Variants in ZHX2 observed in about 807,000 individuals in gnomAD.
ZHX2 encodes the protein zinc fingers and homeoboxes 2.
ZHX2 carries 6 observed loss-of-function variants against 21.9 expected under a neutral mutation model. The ratio of observed to expected loss-of-function variants is 0.27; its 90% CI spans 0.15 to 0.54. The LOEUF (loss-of-function observed/expected upper bound fraction) is 0.54. Among genes scored for constraint, ZHX2 ranks in the 20% least tolerant of loss-of-function variants. The probability of loss-of-function intolerance (pLI) is 0.95; values close to 1 mark genes in which losing one functional copy is unlikely to be tolerated. For missense variants in ZHX2, 908 were observed against 1,090.7 expected (o/e 0.83, Z 2.36); for synonymous variants, 434 against 437.1 (o/e 0.99, Z 0.09).
chr8:122,861,004 T>C (rs1586335569), intron 1 of ZHX2, among the ~76,000 whole-genome samples: 2 of 126,222 alleles, frequency 1.6e-5, no homozygotes, highest in Admixed American at 1.0e-4. Context: ...CTGCATGCAC[T>C]CCAGCCTGGA....
intron 1 of ZHX2, among the ~76,000 whole-genome samples, chr8:122,833,883 G>C (rs1474156352): frequency 6.6e-6 from 1 of 152,024 alleles, no homozygotes; most frequent in Non-Finnish European, 1.5e-5. Flanking sequence ...TGTAGTCCCA[G>C]CTACTCGGGA....
chr8:122,883,707 G>T (rs1306640654), intron 2 of ZHX2, among the ~76,000 whole-genome samples: 3 of 152,222 alleles, frequency 2.0e-5, no homozygotes, highest in Non-Finnish European at 4.4e-5. Flanking sequence ...AGTCAATGTG[G>T]TACTTTACCT....
chr8:122,791,904 G>T (rs1199964918), intron 1 of ZHX2, among the ~76,000 whole-genome samples: 3 of 151,842 alleles, frequency 2.0e-5, no homozygotes, highest in African/African-American at 7.3e-5. Flanking sequence ...GATACTCTCA[G>T]GCATTGTGCA....
At chr8:122,790,264 A>G (rs1817485878) in intron 1 of ZHX2, among the ~76,000 whole-genome samples, 1 of 152,340 alleles carries the variant, frequency 6.6e-6, no homozygotes, top group South Asian at 2.1e-4. Context: ...GAAAGGTAAG[A>G]TAATTGGCCC....
At chr8:122,817,033 G>C (rs545683596) in intron 1 of ZHX2, among the ~76,000 whole-genome samples, 1 of 152,282 alleles carries the variant, frequency 6.6e-6, no homozygotes, top group East Asian at 1.9e-4. Context: ...AGAACAAAAA[G>C]TGGGGGATTT....
rs927071219 is a variant in ZHX2 at position 122,828,195 on chromosome 8, G to T, written c.-282-35282G>T. On this transcript the variant is annotated intron_variant, in intron 1 of 3. Transcript: ENST00000314393. The surrounding 1 kb of genome is among the most constrained non-coding windows in gnomAD (Gnocchi z 5.2). The stretch of plus-strand genomic sequence containing the variant: ...CAGCACTGGCCAGGAGAGCAGAGGC[G>T]AGTGCAGCGTATATGGAACAAAAGC... Among the ~76,000 whole-genome samples the T allele has an allele frequency of 6.6e-6, 1 of 152,160 alleles. No individual in the cohort carries two copies. Among genetic ancestry groups the T allele is most frequent in the Non-Finnish European group, 1.5e-5 (1 of 68,032 alleles).
intron 2 of ZHX2, among the ~76,000 whole-genome samples, chr8:122,930,417 G>A (rs141724780): frequency 1.3e-5 from 2 of 152,320 alleles, no homozygotes; most frequent in African/African-American, 2.4e-5. Context: ...TTTCTGAAGT[G>A]TAAATTAAAA....
At chr8:122,927,285 A>G (rs1157724938) in intron 2 of ZHX2, among the ~76,000 whole-genome samples, 1 of 152,218 alleles carries the variant, frequency 6.6e-6, no homozygotes, top group African/African-American at 2.4e-5. Context: ...ACTTGAGGTC[A>G]GGCATTCGAG....
rs1470724182 is a variant in ZHX2 at position 122,953,188 on chromosome 8, G to T, written c.1678G>T (p.Asp560Tyr). The T allele has an allele frequency of 4.3e-6, 7 of 1,613,708 alleles. No individual in the cohort carries two copies. The Admixed American group carries it at 1.2e-4, about 27-fold the overall frequency. ...KSSFPTQAEL[D>Y]RLRVETKLSR... ...TTCTTTTCCTACCCAAGCAGAACTG[G>T]ATCGGCTAAGGGTGGAGACCAAGCT... The change falls in exon 3 of 4, where the codon GAT becomes TAT. Residue 560 changes from aspartate (D) to tyrosine (Y), a missense_variant. This residue lies in a region of ZHX2 where 431 missense variants were observed against 428.6 expected (regional missense o/e 1.01). Transcript: ENST00000314393. The surrounding 1 kb of genome is among the most constrained non-coding windows in gnomAD (Gnocchi z 4.6).
chr8:122,900,416 G>A (rs189859299), intron 2 of ZHX2, among the ~76,000 whole-genome samples: 6 of 152,204 alleles, frequency 3.9e-5, no homozygotes, highest in East Asian at 3.9e-4. Flanking sequence ...ACTCGCCCAC[G>A]AGGGAGGACA....
chr8:122,909,832 C>G (rs1309699828), intron 2 of ZHX2, among the ~76,000 whole-genome samples: 1 of 152,204 alleles, frequency 6.6e-6, no homozygotes, highest in African/African-American at 2.4e-5. Flanking sequence ...CAGCCTGCAG[C>G]CAGGGCAATC....
chr8:122,876,250 A>G (rs1426249335), intron 2 of ZHX2, among the ~76,000 whole-genome samples: 1 of 151,238 alleles, frequency 6.6e-6, no homozygotes, highest in Non-Finnish European at 1.5e-5. Context: ...TGGGTCCTCC[A>G]AATTCATTGT....
rs11786364 is a variant in ZHX2, at chr8:122,891,976, T to G, written c.-220+28437T>G. Among the ~76,000 whole-genome samples, 127 of 152,340 alleles carry G rather than the reference T, an allele frequency of 8.3e-4. 2 individuals carry two copies. The East Asian group carries it at 0.016, about 19-fold the overall frequency. Reference sequence around the variant, plus strand: ...TAGTTTAAATAGGATACTGGTTTGGTGATTTTCTGCCTAGATGGTCTGTCC... The same window carrying G: ...TAGTTTAAATAGGATACTGGTTTGGGGATTTTCTGCCTAGATGGTCTGTCC... On this transcript the variant is annotated intron_variant, in intron 2 of 3. Coordinates refer to ENST00000314393, the MANE Select transcript of ZHX2 (RefSeq NM_014943.5).
At chr8:122,781,036 CA>C (rs1817268162), upstream of ZHX2, 1 of 152,228 alleles carries the variant, frequency 6.6e-6, no homozygotes, top group Non-Finnish European at 1.5e-5. This position sits in a 1 kb window ranked among gnomAD's most constrained non-coding sequence, Gnocchi z 4.6. Flanking sequence ...CGAGCCTTCT[CA>C]TTATCATTCC....
chr8:122,907,936 T>C lies in ZHX2; in HGVS notation c.-219-43356T>C, dbSNP rs149684715. On this transcript the variant is annotated intron_variant, in intron 2 of 3. Transcript: ENST00000314393. Reference sequence around the variant, plus strand: ...ACTGATTCCAATGCCTATTGCTGCATTTTCCAAATATGTGATCTCCAGACA... The same window carrying C: ...ACTGATTCCAATGCCTATTGCTGCACTTTCCAAATATGTGATCTCCAGACA... Among the ~76,000 whole-genome samples the C allele has an allele frequency of 1.8e-3, 279 of 152,284 alleles. 1 individual carries two copies. Among genetic ancestry groups the C allele is most frequent in the Non-Finnish European group, 3.4e-3 (232 of 68,024 alleles).
chr8:122,836,539 G>A (rs1448465399), intron 1 of ZHX2, among the ~76,000 whole-genome samples: 2 of 152,218 alleles, frequency 1.3e-5, no homozygotes, highest in Non-Finnish European at 2.9e-5. Flanking sequence ...GCAACATGCT[G>A]TTTTAATGAG....
At chr8:122,854,806 A>G (rs1818990533) in intron 1 of ZHX2, among the ~76,000 whole-genome samples, 1 of 152,144 alleles carries the variant, frequency 6.6e-6, no homozygotes, top group African/African-American at 2.4e-5. Flanking sequence ...TCATCTTAAT[A>G]AGCCCTCCCA....
intron 1 of ZHX2, among the ~76,000 whole-genome samples, chr8:122,812,158 G>A (rs1817944443): frequency 6.6e-6 from 1 of 152,194 alleles, no homozygotes; most frequent in South Asian, 2.1e-4. Context: ...AGCGACAGCT[G>A]GTGCAAAGAC....
At chr8:122,834,555 C>T (rs1258749357) in intron 1 of ZHX2, among the ~76,000 whole-genome samples, 2 of 152,354 alleles carry the variant, frequency 1.3e-5, no homozygotes, top group South Asian at 4.1e-4. Flanking sequence ...ATTCGAAACT[C>T]TGCCTGTTTT....
Sources: gnomAD v4.1 joint callset for allele counts (sites outside exome capture counted in the v4.1 genomes callset) on GRCh38, gnomAD v4.1.1 for gene constraint, gnomAD v4.1.1 regional missense constraint, Gnocchi (gnomAD v3.1) non-coding constraint, MANE v1.5 for transcripts, NCBI Gene and HGNC (gene_info 2026-07-23, HGNC 2026-07-21) for gene names.